The following TDRP variants were observed in gnomAD, a reference collection of about 807,000 sequenced individuals.
TDRP encodes the protein testis development-related protein.
Under a neutral mutation model 10.5 loss-of-function variants are expected in TDRP, and 12 were observed. That is an observed-to-expected ratio of 1.15 (90% CI 0.73 to 1.86). The LOEUF is 1.86. Among genes scored for constraint, TDRP ranks in the 40% most tolerant of loss-of-function variants. TDRP has a pLI of 0.00. For synonymous variants in TDRP, 139 were observed against 95.4 expected (o/e 1.46, Z -2.67); for missense variants, 353 against 229.2 (o/e 1.54, Z -3.49).
At chr8:494,435 TC>T (rs1801073159) in intron 2 of TDRP, 58 bp downstream of exon 2, 1 of 1,526,518 alleles carries the variant, frequency 6.6e-7, no homozygotes, top group South Asian at 1.1e-5. Context: ...CATTTCCACC[TC>T]CTCAGTGACT....
At chr8:519,272 CTA>C (rs2116814664) in intron 1 of TDRP, among the ~76,000 whole-genome samples, 1 of 152,278 alleles carries the variant, frequency 6.6e-6, no homozygotes, top group South Asian at 2.1e-4. Context: ...TTCCCCTTTG[CTA>C]TCTCTCTTCT....
At chr8:515,061 A>G (rs1801721855) in intron 1 of TDRP, among the ~76,000 whole-genome samples, 1 of 152,176 alleles carries the variant, frequency 6.6e-6, no homozygotes, top group African/African-American at 2.4e-5. Context: ...GTCAGGCTTC[A>G]GGGCTCCACT....
At chr8:541,753 C>T (rs988436244) in intron 1 of TDRP, among the ~76,000 whole-genome samples, 2 of 152,166 alleles carry the variant, frequency 1.3e-5, no homozygotes, top group African/African-American at 4.8e-5. Context: ...ACTGACAGCA[C>T]CAAATGCTGG....
In TDRP at chr8:492,236, C is replaced by T; in HGVS notation, c.*163G>A. The T allele has an allele frequency of 7.7e-7, 1 of 1,302,474 alleles. No individual in the cohort carries two copies. The highest frequency in any genetic ancestry group is 9.7e-7 in the Non-Finnish European group (1 of 1,029,358). 80.7% of individuals were successfully genotyped at this position (1,302,474 alleles called of 1,614,324 possible). On this transcript the variant is annotated 3_prime_UTR_variant, in exon 3 of 3. Transcript: ENST00000324079. ...CCTGCACGTGTTCACCAAGGAGTCA[C>T]AGTGTGTGTGAGAGTTCATTAAATA...
At chr8:543,947 G>A (rs1275055692) in intron 1 of TDRP, among the ~76,000 whole-genome samples, 2 of 123,638 alleles carry the variant, frequency 1.6e-5, no homozygotes, top group East Asian at 3.0e-4. Context: ...AGGGGGTGGG[G>A]GAGGGCACGT....
Position 491,609 on chromosome 8 carries a change from G to C in TDRP, c.*790C>G, listed in dbSNP as rs911497956. 6.5e-6 allele frequency: 10 copies of C among 1,530,144 alleles called. No individual in the cohort carries two copies. The highest frequency in any genetic ancestry group is 8.7e-6 in the Non-Finnish European group (10 of 1,145,048). 94.8% of individuals were successfully genotyped at this position (1,530,144 alleles called of 1,614,324 possible). A position where few individuals can be genotyped will look rare whatever the true frequency, so the allele number is the denominator to read the frequency against. On this transcript the variant is annotated 3_prime_UTR_variant, in exon 3 of 3. Transcript: ENST00000324079. Reference sequence around the variant, plus strand: ...GCACAGTCTTAACTCTCTATAATGAGCAAGACAATGTTTCCTAAATGAAAT... The same window carrying C: ...GCACAGTCTTAACTCTCTATAATGACCAAGACAATGTTTCCTAAATGAAAT...
intron 2 of TDRP, among the ~76,000 whole-genome samples, chr8:493,550 G>A (rs947591769): frequency 1.3e-5 from 2 of 152,244 alleles, no homozygotes; most frequent in African/African-American, 4.8e-5. Flanking sequence ...AGACTCACCA[G>A]GACTCATCTT....
At chr8:540,750 T>G (rs1802470379) in intron 1 of TDRP, among the ~76,000 whole-genome samples, 1 of 151,096 alleles carries the variant, frequency 6.6e-6, no homozygotes, top group African/African-American at 2.4e-5. Flanking sequence ...TCTAAGTAAT[T>G]TTGAATGCTT....
chr8:526,294 A>T (rs889746872), intron 1 of TDRP, among the ~76,000 whole-genome samples: 3 of 152,172 alleles, frequency 2.0e-5, no homozygotes, highest in African/African-American at 7.2e-5. Context: ...CACCATGCCC[A>T]GACTCTAGTT....
chr8:495,960 C>T (rs1206280765), intron 1 of TDRP, among the ~76,000 whole-genome samples: 1 of 152,214 alleles, frequency 6.6e-6, no homozygotes, highest in Admixed American at 6.5e-5. Flanking sequence ...AGGTCTGCAT[C>T]TGTAGACGGG....
chr8:529,348 GT>G (rs1216569976), intron 1 of TDRP, among the ~76,000 whole-genome samples: 1 of 152,098 alleles, frequency 6.6e-6, no homozygotes, highest in Non-Finnish European at 1.5e-5. Context: ...TATTAACATA[GT>G]TTTAGTTATT....
chr8:511,268 T>A (rs1801609691), intron 1 of TDRP, among the ~76,000 whole-genome samples: 1 of 151,974 alleles, frequency 6.6e-6, no homozygotes, highest in African/African-American at 2.4e-5. Context: ...AAAAACTGAC[T>A]GAAAGTGAAA....
intron 1 of TDRP, among the ~76,000 whole-genome samples, chr8:507,627 C>G (rs766203404): frequency 6.6e-6 from 1 of 152,280 alleles, no homozygotes; most frequent in African/African-American, 2.4e-5. Context: ...CACCAGAAGC[C>G]ACATCAGGAG....
intron 1 of TDRP, among the ~76,000 whole-genome samples, chr8:533,355 C>A (rs760001872): frequency 1.4e-4 from 22 of 152,176 alleles, no homozygotes; most frequent in Admixed American, 2.6e-4. Flanking sequence ...GAGTTCCTTG[C>A]GACTGTCAGG....
chr8:493,627 A>C (rs1436863337), intron 2 of TDRP, among the ~76,000 whole-genome samples: 1 of 152,252 alleles, frequency 6.6e-6, no homozygotes. Flanking sequence ...TAGTCACTGA[A>C]CTTACATTTT....
In TDRP at chr8:503,915, G is replaced by A. The variant is rs61328717; in HGVS notation, c.109-9318C>T. ...GGGTAACCCACCCCCACCTCAGCACGCACCAACATGGAATCCAGAGCCACA... is the reference window on the plus strand; with the variant it reads ...GGGTAACCCACCCCCACCTCAGCACACACCAACATGGAATCCAGAGCCACA... On this transcript the variant is annotated intron_variant, in intron 1 of 2. Coordinates refer to ENST00000324079, the MANE Select transcript of TDRP (RefSeq NM_001384899.1). Among the ~76,000 whole-genome samples, 1,218 of 126,902 alleles carry A rather than the reference G, an allele frequency of 9.6e-3. 23 individuals are homozygous for A. The highest frequency in any genetic ancestry group is 0.034 in the African/African-American group (1,162 of 34,044). The allele number at this position is 126,902 out of a possible 152,430, so 83.3% of individuals were successfully genotyped here.
In TDRP at chr8:501,160, C is replaced by T. The variant is rs367838712; in HGVS notation, c.109-6563G>A. 1.2e-4 allele frequency among the ~76,000 whole-genome samples: 18 copies of T among 151,544 alleles called. No homozygotes were observed. In the East Asian group the frequency reaches 1.6e-3, roughly 14 times the overall value. On this transcript the variant is annotated intron_variant, in intron 1 of 2. Transcript: ENST00000324079. ...GGTGGAGCTTGCAGTGAGCTGAGATCGCGCCACTGCACTCCAGCCTGGGCG... is the reference window on the plus strand; with the variant it reads ...GGTGGAGCTTGCAGTGAGCTGAGATTGCGCCACTGCACTCCAGCCTGGGCG...
At chr8:500,122 A>T (rs1801246105) in intron 1 of TDRP, among the ~76,000 whole-genome samples, 4 of 152,238 alleles carry the variant, frequency 2.6e-5, no homozygotes, top group Admixed American at 2.6e-4. Context: ...ATGACCAAGA[A>T]GTTAGGCCAC....
intron 1 of TDRP, among the ~76,000 whole-genome samples, chr8:506,277 G>C (rs1280732001): frequency 1.3e-5 from 2 of 152,220 alleles, no homozygotes; most frequent in African/African-American, 4.8e-5. Context: ...TGGTACAAAA[G>C]ATGAGCAAAC....
Sources: gnomAD v4.1 joint callset for allele counts (sites outside exome capture counted in the v4.1 genomes callset) on GRCh38, gnomAD v4.1.1 for gene constraint, MANE v1.5 for transcripts, NCBI Gene and HGNC (gene_info 2026-07-23, HGNC 2026-07-21) for gene names.